Variants in PRICKLE1 observed in about 807,000 individuals in gnomAD.
PRICKLE1 encodes the protein prickle planar cell polarity protein 1.
Under a neutral mutation model 70.2 loss-of-function variants are expected in PRICKLE1, and 14 were observed. The ratio of observed to expected loss-of-function variants is 0.20; its 90% CI spans 0.13 to 0.31. PRICKLE1 has a LOEUF of 0.31. Among genes scored for constraint, PRICKLE1 ranks in the 10% least tolerant of loss-of-function variants. The pLI, the probability that PRICKLE1 is intolerant of heterozygous loss-of-function variation, is 1.00. For missense variants in PRICKLE1, 821 were observed against 1,026.2 expected (o/e 0.80, Z 2.73); for synonymous variants, 357 against 379.9 (o/e 0.94, Z 0.70).
intron 1 of PRICKLE1, among the ~76,000 whole-genome samples, chr12:42,498,094 T>A (rs963089736): frequency 1.3e-4 from 19 of 146,888 alleles, no homozygotes; most frequent in Admixed American, 4.2e-4. Flanking sequence ...AAGCGATCTC[T>A]AGCATCAGCC....
intron 6 of PRICKLE1, chr12:42,465,951 G>A (rs1322985529): frequency 1.8e-6 from 1 of 571,142 alleles, no homozygotes; most frequent in Admixed American, 2.9e-5. Flanking sequence ...ATGAGCAATG[G>A]TTCAGTGTTC....
At chr12:42,501,527 AAAAG>A (rs376240214) in intron 1 of PRICKLE1, among the ~76,000 whole-genome samples, 21,561 of 74,688 alleles carry the variant, frequency 0.29, 2,949 homozygotes, top group East Asian at 0.35. Context: ...AAAAAAAAAA[AAAAG>A]AAAAGAAAAG....
chr12:42,481,706 A>G (rs1938800495), intron 1 of PRICKLE1, among the ~76,000 whole-genome samples: 1 of 152,258 alleles, frequency 6.6e-6, no homozygotes, highest in South Asian at 2.1e-4. Flanking sequence ...ATTTAGCAGT[A>G]CAGAAACATG....
At chr12:42,521,758 C>T (rs1375646334) in intron 1 of PRICKLE1, among the ~76,000 whole-genome samples, 2 of 151,894 alleles carry the variant, frequency 1.3e-5, no homozygotes, top group Admixed American at 1.3e-4. Context: ...CGAGAACAAG[C>T]CACCTTCTTC....
chr12:42,466,495 C>G, intron 5 of PRICKLE1, 115 bp from the exon 6 acceptor site: 1 of 850,956 alleles, frequency 1.2e-6, no homozygotes, highest in Non-Finnish European at 1.9e-6. Context: ...TTAAAAAAAT[C>G]AGATAGCTAA....
intron 1 of PRICKLE1, among the ~76,000 whole-genome samples, chr12:42,586,311 G>C (rs1940986393): frequency 1.3e-5 from 2 of 152,052 alleles, no homozygotes; most frequent in Admixed American, 6.6e-5. Context: ...TTTCCAAGGG[G>C]GAAGAGTCTA....
At chr12:42,476,508 G>A (rs150114210) in intron 1 of PRICKLE1, among the ~76,000 whole-genome samples, 2,023 of 151,348 alleles carry the variant, frequency 0.013, 50 homozygotes, top group African/African-American at 0.046. Context: ...TAGAGACGGG[G>A]TTTCTCCATG....
intron 1 of PRICKLE1, among the ~76,000 whole-genome samples, chr12:42,561,890 T>C (rs1484640247): frequency 3.4e-5 from 5 of 147,592 alleles, no homozygotes; most frequent in Non-Finnish European, 1.5e-5. Context: ...GTTCCACTAA[T>C]TTTCTTTTTC....
chr12:42,472,466 C>T lies in PRICKLE1; in HGVS notation c.51G>A (p.Gln17=), dbSNP rs1938363703. 3 of 1,614,070 alleles carry T rather than the reference C, an allele frequency of 1.9e-6. No individual in the cohort carries two copies. The South Asian group carries it at 3.3e-5, about 18-fold the overall frequency. The part of the protein sequence containing the change: ...PKMSKLAFGC[Q]RSSTSDDDSG... ...AGTCATCATCTGATGTGGAACTTCTCTGACAGCCAAAGGCCAGTTTGCTCA... is the reference window on the plus strand; with the variant it reads ...AGTCATCATCTGATGTGGAACTTCTTTGACAGCCAAAGGCCAGTTTGCTCA... Residue 17 remains glutamine, a synonymous_variant, in exon 2 of 8, where the codon CAG becomes CAA. Transcript: ENST00000345127.
chr12:42,534,617 T>C lies in PRICKLE1; in HGVS notation c.-49+54848A>G, dbSNP rs78512754. ...TAGATATTAAGCAAGAGGTTAATAA[T>C]TTGTCTAAGGCAGCATGCCTTGAAA... On this transcript the variant is annotated intron_variant, in intron 1 of 7. Coordinates refer to ENST00000345127, the MANE Select transcript of PRICKLE1 (RefSeq NM_153026.3). Among the ~76,000 whole-genome samples, 1,014 of 152,292 alleles carry C rather than the reference T, an allele frequency of 6.7e-3. 6 individuals are homozygous for C. The highest frequency in any genetic ancestry group is 0.023 in the African/African-American group (972 of 41,574).
In PRICKLE1 at chr12:42,464,529, A is replaced by C. The variant is rs768870075; in HGVS notation, c.1505T>G (p.Leu502Arg). 1.4e-5 allele frequency: 22 copies of C among 1,613,878 alleles called. 1 individual carries two copies. Among genetic ancestry groups the C allele is most frequent in the Admixed American group, 5.0e-5 (3 of 59,968 alleles). ...ATTATACCCTGAAGCCCCATGGTCC[A>C]GTTCCAATTCCTGAAGCCTTCTACT... ...ASSRRLQELE[L>R]DHGASGYNHD... Residue 502 changes from leucine (L) to arginine (R), a missense_variant, in exon 7 of 8, where the codon CTG becomes CGG. Leu to Arg is a moderately radical substitution (Grantham distance 102, BLOSUM62 -2). Transcript: ENST00000345127. The surrounding 1 kb of genome is among the most constrained non-coding windows in gnomAD (Gnocchi z 4.2).
chr12:42,459,892 G>C lies in PRICKLE1; in HGVS notation c.2413C>G (p.Leu805Val), dbSNP rs2140084269. ...TDDLSSPPSA[L>V]PTPQFGQRTT... ...CTCTGACCAAACTGAGGGGTGGGAA[G>C]TGCAGATGGTGGACTAGAAAGGTCA... The change falls in exon 8 of 8, where the codon CTT (leucine) becomes GTT (valine). Residue 805 changes from leucine (L) to valine (V), a missense_variant. By Grantham distance (32) the Leu-to-Val change is conservative. Coordinates refer to ENST00000345127, the MANE Select transcript of PRICKLE1 (RefSeq NM_153026.3). The C allele has an allele frequency of 1.9e-6, 3 of 1,614,128 alleles. No individual in the cohort carries two copies. The highest frequency in any genetic ancestry group is 2.2e-5 in the South Asian group (2 of 91,084).
chr12:42,482,919 C>T (rs1244496366), intron 1 of PRICKLE1: 2 of 152,222 alleles, frequency 1.3e-5, no homozygotes, highest in Admixed American at 1.3e-4. Flanking sequence ...CCCTGGGCCC[C>T]GCAAACTCTG....
chr12:42,504,122 G>C (rs1052948229), intron 1 of PRICKLE1, among the ~76,000 whole-genome samples: 1 of 152,120 alleles, frequency 6.6e-6, no homozygotes, highest in African/African-American at 2.4e-5. Flanking sequence ...GAAGAAGAGC[G>C]AGGTCTGAGG....
intron 4 of PRICKLE1, among the ~76,000 whole-genome samples, chr12:42,469,121 G>A (rs1938218042): frequency 6.6e-6 from 1 of 152,080 alleles, no homozygotes; most frequent in Non-Finnish European, 1.5e-5. Context: ...AGAACTGCCA[G>A]CAAAGATCTG....
intron 1 of PRICKLE1, among the ~76,000 whole-genome samples, chr12:42,507,631 ATTC>A: frequency 6.6e-6 from 1 of 152,246 alleles, no homozygotes. Flanking sequence ...GTAAGGAAGA[ATTC>A]TTCTGGAGGA....
Position 42,468,757 on chromosome 12 carries a change from G to C in PRICKLE1, c.457C>G (p.Pro153Ala). The change falls in exon 5 of 8, where the codon CCA becomes GCA. Residue 153 changes from proline to alanine, a missense_variant. Physicochemically the swap from Pro to Ala is conservative, Grantham distance 27. Coordinates refer to ENST00000345127, the MANE Select transcript of PRICKLE1 (RefSeq NM_153026.3). Reference protein sequence around the residue: ...SRAGPGVCWHPSCFVCFTCNE... With the variant: ...SRAGPGVCWHASCFVCFTCNE... ...CACGTGAAACAGACAAAACAGGATG[G>C]GTGCCAGCACACACCAGGGCCCGCA... 6.2e-7 allele frequency: 1 copy of C among 1,614,042 alleles called. No individual in the cohort carries two copies. Among genetic ancestry groups the C allele is most frequent in the Non-Finnish European group, 8.5e-7 (1 of 1,180,016 alleles).
intron 1 of PRICKLE1, among the ~76,000 whole-genome samples, chr12:42,548,875 C>T (rs1272586241): frequency 6.6e-6 from 1 of 152,182 alleles, no homozygotes; most frequent in Non-Finnish European, 1.5e-5. Flanking sequence ...AATCCCAGCA[C>T]TCTGGGAGGC....
At chr12:42,557,778 A>C (rs1190035707) in intron 1 of PRICKLE1, among the ~76,000 whole-genome samples, 5 of 152,220 alleles carry the variant, frequency 3.3e-5, no homozygotes, top group Admixed American at 3.3e-4. Context: ...GTTTTATGTA[A>C]CCATGCAGAG....
Sources: gnomAD v4.1 joint callset for allele counts (sites outside exome capture counted in the v4.1 genomes callset) on GRCh38, gnomAD v4.1.1 for gene constraint, Gnocchi (gnomAD v3.1) non-coding constraint, MANE v1.5 for transcripts, NCBI Gene and HGNC (gene_info 2026-07-23, HGNC 2026-07-21) for gene names.